The following SGMS1 variants were observed in gnomAD, a reference collection of about 807,000 sequenced individuals.
SGMS1 encodes sphingomyelin synthase 1, also known as phosphatidylcholine:ceramide cholinephosphotransferase 1.
In SGMS1, 13 loss-of-function variants were observed where a neutral mutation model predicts 46.2. The observed-to-expected ratio is 0.28, with a 90% confidence interval of 0.18 to 0.45. SGMS1 has a LOEUF of 0.45. SGMS1 is among the 20% of genes least tolerant of loss of function. SGMS1 has a pLI of 1.00. For missense variants in SGMS1, 324 were observed against 519.9 expected (o/e 0.62, Z 3.66); for synonymous variants, 203 against 187.8 (o/e 1.08, Z -0.66).
At chr10:50,440,196 A>G (rs953843966) in intron 5 of SGMS1, among the ~76,000 whole-genome samples, 2 of 151,968 alleles carry the variant, frequency 1.3e-5, no homozygotes, top group African/African-American at 4.8e-5. Flanking sequence ...AGAGGTATCA[A>G]TAAAAGGGGT....
At chr10:50,488,600 T>C (rs1418816748) in intron 3 of SGMS1, among the ~76,000 whole-genome samples, 1 of 152,190 alleles carries the variant, frequency 6.6e-6, no homozygotes, top group Non-Finnish European at 1.5e-5. Context: ...TTCCAGACTT[T>C]TCCCAAGTAA....
intron 6 of SGMS1, among the ~76,000 whole-genome samples, chr10:50,359,663 A>T (rs1433451005): frequency 6.7e-6 from 1 of 148,820 alleles, no homozygotes; most frequent in Non-Finnish European, 1.5e-5. Context: ...CAAGAAATCT[A>T]AACAATCATT....
intron 2 of SGMS1, among the ~76,000 whole-genome samples, chr10:50,574,011 C>A (rs1838358345): frequency 6.6e-6 from 1 of 152,040 alleles, no homozygotes; most frequent in African/African-American, 2.4e-5. Flanking sequence ...ACATCATATA[C>A]AAAAATTTAC....
At chr10:50,505,198 A>T (rs1837696464) in intron 3 of SGMS1, among the ~76,000 whole-genome samples, 1 of 152,218 alleles carries the variant, frequency 6.6e-6, no homozygotes, top group Admixed American at 6.5e-5. Flanking sequence ...CCTGGGCAAC[A>T]GAGTGAGACC....
At chr10:50,386,197 A>G (rs1397261571) in intron 6 of SGMS1, among the ~76,000 whole-genome samples, 1 of 152,168 alleles carries the variant, frequency 6.6e-6, no homozygotes, top group Admixed American at 6.5e-5. Context: ...AATTGTAAAG[A>G]CTTCTCCATC....
chr10:50,311,330 A>G lies in SGMS1; in HGVS notation c.827T>C (p.Met276Thr). Reference protein sequence around the residue: ...GGLSITGSHNMCGDYLYSGHT... With the variant: ...GGLSITGSHNTCGDYLYSGHT... ...GCCGCTGTACAGATAGTCCCCACACATGTTGTGAGAGCCAGTGATAGACAA... is the reference window on the plus strand; with the variant it reads ...GCCGCTGTACAGATAGTCCCCACACGTGTTGTGAGAGCCAGTGATAGACAA... The change falls in exon 9 of 11, where the codon ATG (methionine) becomes ACG (threonine). Residue 276 changes from methionine to threonine, a missense_variant. Coordinates refer to ENST00000361781, the MANE Select transcript of SGMS1 (RefSeq NM_147156.4). 1 of 1,614,032 alleles carries G rather than the reference A, an allele frequency of 6.2e-7. No individual in the cohort carries two copies. The highest frequency in any genetic ancestry group is 8.5e-7 in the Non-Finnish European group (1 of 1,179,918).
intron 1 of SGMS1, among the ~76,000 whole-genome samples, chr10:50,622,261 C>T (rs1838859136): frequency 6.6e-6 from 1 of 152,270 alleles, no homozygotes; most frequent in East Asian, 1.9e-4. Flanking sequence ...ACCAATGAAA[C>T]GCCCCGCCCT....
chr10:50,499,030 T>C (rs1215592704), intron 3 of SGMS1, among the ~76,000 whole-genome samples: 1 of 152,214 alleles, frequency 6.6e-6, no homozygotes, highest in African/African-American at 2.4e-5. Context: ...TTTAAGTATT[T>C]TTATTTTTAA....
At chr10:50,518,817 G>A (rs1837832243) in intron 3 of SGMS1, among the ~76,000 whole-genome samples, 1 of 152,160 alleles carries the variant, frequency 6.6e-6, no homozygotes, top group South Asian at 2.1e-4. Flanking sequence ...TACAAGAAGA[G>A]ACTGAAATTT....
At chr10:50,624,153 T>G (rs543730512), upstream of SGMS1, 8,538 of 984,150 alleles carry the variant, frequency 8.7e-3, 39 homozygotes, top group Non-Finnish European at 9.8e-3. Context: ...TTTCAAGTAA[T>G]GGGAAACTGA....
intron 6 of SGMS1, among the ~76,000 whole-genome samples, chr10:50,363,416 T>C (rs769618431): frequency 1.3e-5 from 2 of 152,206 alleles, no homozygotes; most frequent in Non-Finnish European, 2.9e-5. Flanking sequence ...TGGCATCAAG[T>C]ACCTTGGAAA....
At chr10:50,481,042 G>A (rs1017063693) in intron 3 of SGMS1, among the ~76,000 whole-genome samples, 4 of 152,240 alleles carry the variant, frequency 2.6e-5, no homozygotes, top group South Asian at 4.1e-4. Context: ...ATGGGGAGGG[G>A]TGGCCACAGT....
At chr10:50,422,742 A>G (rs1228309506) in intron 6 of SGMS1, among the ~76,000 whole-genome samples, 1 of 152,258 alleles carries the variant, frequency 6.6e-6, no homozygotes, top group Non-Finnish European at 1.5e-5. Flanking sequence ...AAGACAATTC[A>G]TAAATCCTAG....
intron 2 of SGMS1, among the ~76,000 whole-genome samples, chr10:50,563,515 G>A (rs538848694): frequency 2.6e-5 from 4 of 151,906 alleles, no homozygotes; most frequent in South Asian, 2.1e-4. Context: ...AGGCCGAGGC[G>A]GGCGGATCAC....
intron 5 of SGMS1, chr10:50,460,195 A>G (rs1837246596): frequency 6.6e-6 from 1 of 152,212 alleles, no homozygotes; most frequent in Non-Finnish European, 1.5e-5. Context: ...ATAGGGGTCA[A>G]AGAGACAAGC....
chr10:50,414,533 A>G (rs1249050876), intron 6 of SGMS1, among the ~76,000 whole-genome samples: 2 of 152,210 alleles, frequency 1.3e-5, no homozygotes, highest in Admixed American at 1.3e-4. Context: ...AATATATACA[A>G]TTTACTATCC....
chr10:50,465,739 T>C (rs1253611051), intron 4 of SGMS1, among the ~76,000 whole-genome samples: 1 of 152,020 alleles, frequency 6.6e-6, no homozygotes. Flanking sequence ...AATTTACAAA[T>C]TGAGAGACAT....
intron 6 of SGMS1, among the ~76,000 whole-genome samples, chr10:50,417,661 A>C (rs913686649): frequency 3.3e-5 from 5 of 152,134 alleles, no homozygotes; most frequent in African/African-American, 4.8e-5. Flanking sequence ...TCGTACAGGG[A>C]CTGGAGTTTG....
intron 2 of SGMS1, among the ~76,000 whole-genome samples, chr10:50,573,101 C>T (rs1838350057): frequency 6.6e-6 from 1 of 152,092 alleles, no homozygotes; most frequent in Admixed American, 6.6e-5. Context: ...AAATAAGGGT[C>T]ATACATGAAA....
Sources: allele counts gnomAD v4.1 joint callset (sites outside exome capture counted in the v4.1 genomes callset), GRCh38; gene constraint gnomAD v4.1.1; transcripts MANE v1.5; gene names NCBI Gene and HGNC (gene_info 2026-07-23, HGNC 2026-07-21).